WRN: variants seen among roughly 807,000 people sequenced by gnomAD.
The protein encoded by WRN is bifunctional 3'-5' exonuclease/ATP-dependent helicase WRN.
A neutral mutation model predicts 180.7 loss-of-function variants in WRN; 149 were observed. The observed-to-expected ratio is 0.82, with a 90% confidence interval of 0.72 to 0.94. The LOEUF is 0.94. WRN is among the 40% of genes least tolerant of loss of function. The pLI is 0.00. For synonymous variants in WRN, 548 were observed against 568.9 expected, an observed-to-expected ratio of 0.96 and a Z score of 0.52; for missense variants, 1,661 against 1,700.1, an observed-to-expected ratio of 0.98 and a Z score of 0.40.
rs1804189889 is a variant in WRN at position 31,173,912 on chromosome 8, A to G, written c.*810A>G. On this transcript the variant is annotated 3_prime_UTR_variant, in exon 35 of 35. Coordinates refer to ENST00000298139, the MANE Select transcript of WRN (RefSeq NM_000553.6). Reference sequence around the variant, plus strand: ...ACACAGAGTTGGGTAAACGATGATTATTTAACTTTAAGCAGTTCACCATCC... The same window carrying G: ...ACACAGAGTTGGGTAAACGATGATTGTTTAACTTTAAGCAGTTCACCATCC... The G allele has an allele frequency of 6.6e-6, 1 of 152,216 alleles. No homozygotes were observed. The allele number at this position is 152,216 out of a possible 1,614,324, so 9.4% of individuals were successfully genotyped here.
intron 30 of WRN, among the ~76,000 whole-genome samples, chr8:31,149,455 GTTTTT>G (rs71208105): frequency 1.9e-5 from 1 of 51,976 alleles, no homozygotes; most frequent in African/African-American, 7.7e-5. Context: ...TAATAGAGGT[GTTTTT>G]TTTTTTTTTT....
At chr8:31,149,455 G>GTTTTT (rs71208105) in intron 30 of WRN, among the ~76,000 whole-genome samples, 2 of 51,986 alleles carry the variant, frequency 3.8e-5, no homozygotes, top group African/African-American at 1.5e-4. Flanking sequence ...TAATAGAGGT[G>GTTTTT]TTTTTTTTTT....
intron 18 of WRN, among the ~76,000 whole-genome samples, chr8:31,105,656 C>G (rs1421120891): frequency 6.6e-6 from 1 of 152,092 alleles, no homozygotes. Context: ...GATGGGGTTT[C>G]ACCATATTGG....
In WRN at chr8:31,058,501, G is replaced by A. The variant is rs1812360699; in HGVS notation, c.54G>A (p.Trp18Ter). The A allele has an allele frequency of 6.2e-7, 1 of 1,613,738 alleles. No homozygotes were observed. The highest frequency in any genetic ancestry group is 1.3e-5 in the African/African-American group (1 of 74,928). ...TTAQQRKCPEWMNVQNKRCAV... is the reference protein window; with the variant it reads ...TTAQQRKCPE ...CACAGCAGCGGAAATGTCCTGAATG[G>A]ATGAATGTGCAGAATAAAAGATGTG... Residue 18 changes from tryptophan to a stop codon, truncating the protein, a stop_gained, in exon 2 of 35, where the codon TGG becomes TGA. Coordinates refer to ENST00000298139, the MANE Select transcript of WRN (RefSeq NM_000553.6). LOFTEE classifies it high-confidence loss of function.
chr8:31,081,839 C>T (rs532059374), intron 9 of WRN, among the ~76,000 whole-genome samples: 15 of 152,166 alleles, frequency 9.9e-5, no homozygotes, highest in Admixed American at 3.3e-4. Context: ...TGGCCCCCTG[C>T]GGTCTTCAAC....
At chr8:31,155,600 C>T (rs3213203) in intron 32 of WRN, among the ~76,000 whole-genome samples, 51,877 of 145,144 alleles carry the variant, frequency 0.36, 9,286 homozygotes, top group South Asian at 0.43. Context: ...CCAACCTGGG[C>T]GACCGAGCAA....
chr8:31,127,830 G>A (rs1801988127), intron 23 of WRN, among the ~76,000 whole-genome samples: 1 of 152,106 alleles, frequency 6.6e-6, no homozygotes, highest in African/African-American at 2.4e-5. Context: ...AGGCTAAGGT[G>A]GAAAGATCGC....
At chr8:31,073,724 A>G (rs1420237590) in intron 7 of WRN, among the ~76,000 whole-genome samples, 1 of 152,152 alleles carries the variant, frequency 6.6e-6, no homozygotes, top group Non-Finnish European at 1.5e-5. Flanking sequence ...AGGAGAGAGC[A>G]GCAAAGAGGA....
intron 1 of WRN, among the ~76,000 whole-genome samples, chr8:31,049,559 G>A (rs1469848887): frequency 9.1e-6 from 1 of 109,880 alleles, no homozygotes; most frequent in Non-Finnish European, 2.2e-5. Context: ...TACTTTTTTT[G>A]AGTGAGGTCC....
intron 18 of WRN, among the ~76,000 whole-genome samples, chr8:31,106,615 C>T (rs1585464677): frequency 6.6e-6 from 1 of 152,268 alleles, no homozygotes; most frequent in Middle Eastern, 3.4e-3. Flanking sequence ...GATGTTCTCC[C>T]ATACTTCTCT....
Position 31,131,527 on chromosome 8 carries a change from C to G in WRN, c.2826-838C>G, listed in dbSNP as rs142994965. The G allele has an allele frequency of 2.0e-5, 3 of 152,416 alleles. No homozygotes were observed. The East Asian group carries it at 5.8e-4, about 29-fold the overall frequency. The allele number at this position is 152,416 out of a possible 1,614,324, so 9.4% of individuals were successfully genotyped here. ...AGAGTTCTGCAGTAAAATAACAGGTCCCCCTTTTAGTAGACATCTCCATGT... is the reference window on the plus strand; with the variant it reads ...AGAGTTCTGCAGTAAAATAACAGGTGCCCCTTTTAGTAGACATCTCCATGT... On this transcript the variant is annotated intron_variant, in intron 23 of 34. Coordinates refer to ENST00000298139, the MANE Select transcript of WRN (RefSeq NM_000553.6).
rs761786255 is a variant in WRN, at chr8:31,076,287, G to C, written c.839G>C (p.Arg280Thr). Residue 280 changes from arginine (R) to threonine (T), a missense_variant and splice_region_variant, in exon 8 of 35, where the codon AGG becomes ACG. Physicochemically the swap from Arg to Thr is moderately conservative, Grantham distance 71. This residue lies in a region of WRN where 500 missense variants were observed against 504.1 expected (regional missense o/e 0.99). Coordinates refer to ENST00000298139, the MANE Select transcript of WRN (RefSeq NM_000553.6). ...TTCAGTAAATTGGAAAACCCACGGA[G>C]GTTAAATATTACCTTTTTTTTTTTT... is the stretch of plus-strand genomic sequence containing the variant. ...HAFSKLENPR[R>T]VSILLKDISE... is the part of the protein sequence containing the mutation. 6.2e-7 allele frequency: 1 copy of C among 1,608,192 alleles called. No homozygotes were observed. The highest frequency in any genetic ancestry group is 1.1e-5 in the South Asian group (1 of 90,540).
At chr8:31,142,831 C>T in intron 27 of WRN, 130 bp downstream of exon 27, 1 of 780,578 alleles carries the variant, frequency 1.3e-6, no homozygotes, top group Non-Finnish European at 2.0e-6. Flanking sequence ...AAAATTCGGC[C>T]AGGGAAGTGA....
chr8:31,162,691 T>C (rs1803679457), intron 33 of WRN, among the ~76,000 whole-genome samples: 1 of 152,202 alleles, frequency 6.6e-6, no homozygotes, highest in Non-Finnish European at 1.5e-5. Context: ...TGCTTTGCAT[T>C]GTGATGTTAC....
chr8:31,100,813 T>G (rs1468557102), intron 17 of WRN, 36 bp from the exon 18 acceptor site: 1 of 1,547,522 alleles, frequency 6.5e-7, no homozygotes, highest in Non-Finnish European at 8.8e-7. Flanking sequence ...CTTTCGAGCT[T>G]TATCTTTTCC....
chr8:31,147,055 T>C lies in WRN; in HGVS notation c.3386T>C (p.Ile1129Thr), dbSNP rs761932192. 6.2e-7 allele frequency: 1 copy of C among 1,611,848 alleles called. No individual in the cohort carries two copies. Among genetic ancestry groups the C allele is most frequent in the Non-Finnish European group, 8.5e-7 (1 of 1,178,664 alleles). ...TTATTTTCTTTTAAATATTTTAGTA[T>C]CATGGTACAGTCACCAGAAAAAGCT... Reference protein sequence around the residue: ...SSGSNISKKSIMVQSPEKAYS... With the variant: ...SSGSNISKKSTMVQSPEKAYS... The change falls in exon 29 of 35, where the codon ATC becomes ACC. Residue 1129 changes from isoleucine (I) to threonine (T), a missense_variant and splice_region_variant. Ile to Thr is a moderately conservative substitution (Grantham distance 89). Around this residue, in one of 3 missense-constraint regions of WRN, gnomAD observed 1,141 missense variants for 1,149.4 expected, o/e 0.99. Transcript: ENST00000298139.
At position 31,082,695 on chromosome 8, in the gene WRN, C is replaced by CAA. The variant is rs1184129168; in HGVS notation, c.1270-1003_1270-1002dup. On this transcript the variant is annotated intron_variant, in intron 9 of 34. Transcript: ENST00000298139. ...CACTACAACCTCTGCCTCCCCGGTT[C>CAA]AAGTGATTCTCCTACCTCAGCCTCC... is the stretch of plus-strand genomic sequence containing the variant. Among the ~76,000 whole-genome samples, 8 of 152,000 alleles carry CAA rather than the reference C, an allele frequency of 5.3e-5. No individual in the cohort carries two copies. The East Asian group carries it at 1.5e-3, about 29-fold the overall frequency.
In WRN at chr8:31,173,208, A is replaced by C. The variant is rs2130530925; in HGVS notation, c.*106A>C. 2.7e-6 allele frequency: 3 copies of C among 1,093,318 alleles called. No homozygotes were observed. The East Asian group carries it at 7.7e-5, about 28-fold the overall frequency. 67.7% of individuals were successfully genotyped at this position (1,093,318 alleles called of 1,614,324 possible). A position where few individuals can be genotyped will look rare whatever the true frequency, so the allele number is the denominator to read the frequency against. On this transcript the variant is annotated 3_prime_UTR_variant, in exon 35 of 35. Coordinates refer to ENST00000298139, the MANE Select transcript of WRN (RefSeq NM_000553.6). ...AGTATTTTGGCTTAAAAATCATTCT[A>C]ATTACAAAGTTCACTGTTTATTGAA...
At chr8:31,043,018 A>C (rs962800035) in intron 1 of WRN, among the ~76,000 whole-genome samples, 1 of 152,204 alleles carries the variant, frequency 6.6e-6, no homozygotes, top group African/African-American at 2.4e-5. Flanking sequence ...TGGAAAAACC[A>C]TTCAAACTGA....
Sources: gnomAD v4.1 joint callset for allele counts (sites outside exome capture counted in the v4.1 genomes callset) on GRCh38, gnomAD v4.1.1 for gene constraint, gnomAD v4.1.1 regional missense constraint, MANE v1.5 for transcripts, NCBI Gene and HGNC (gene_info 2026-07-23, HGNC 2026-07-21) for gene names.